The following RS1 variants were observed in gnomAD, a reference collection of about 807,000 sequenced individuals.
The protein encoded by RS1 is retinoschisin.
RS1 carries 2 observed loss-of-function variants against 20.8 expected under a neutral mutation model. That is an observed-to-expected ratio of 0.10 (90% CI 0.04 to 0.30). RS1 has a LOEUF of 0.30. Among genes scored for constraint, RS1 ranks in the 10% least tolerant of loss-of-function variants. The pLI is 1.00. For missense variants in RS1, 151 were observed against 189.8 expected (o/e 0.80, Z 1.20); for synonymous variants, 70 against 75.8 (o/e 0.92, Z 0.40).
chrX:18,657,385 T>A (rs769094779), intron 2 of RS1, among the ~76,000 whole-genome samples: 34 of 108,229 alleles, frequency 3.1e-4, no homozygotes, highest in Middle Eastern at 9.4e-3. Context: ...TATACCTGGC[T>A]AATTTTTGTA....
chrX:18,641,116 G>C lies in RS1; in HGVS notation c.*888C>G, dbSNP rs139226936. On this transcript the variant is annotated 3_prime_UTR_variant, in exon 6 of 6. Coordinates refer to ENST00000379984, the MANE Select transcript of RS1 (RefSeq NM_000330.4). ...CTCTGAGTAGCCAGTGGTAGCTCCT[G>C]GGCCAGCTGTTCTCGAACTATGTTT... 96 of 112,558 alleles carry C rather than the reference G, an allele frequency of 8.5e-4. No individual in the cohort carries two copies. The highest frequency in any genetic ancestry group is 3.1e-3 in the African/African-American group (95 of 31,028). The allele number at this position is 112,558 out of a possible 1,213,427, so 9.3% of individuals were successfully genotyped here. A position where few individuals can be genotyped will look rare whatever the true frequency, so the allele number is the denominator to read the frequency against.
intron 4 of RS1, among the ~76,000 whole-genome samples, chrX:18,645,397 T>C: frequency 9.0e-6 from 1 of 110,800 alleles, no homozygotes; most frequent in Middle Eastern, 4.6e-3. Context: ...CCTCTCAGCA[T>C]CTCAGATGAA....
chrX:18,668,937 C>T (rs2147208272), intron 1 of RS1, among the ~76,000 whole-genome samples: 1 of 111,409 alleles, frequency 9.0e-6, no homozygotes, highest in Non-Finnish European at 1.9e-5. Flanking sequence ...TTAAAACGAT[C>T]GAACAATAGA....
At chrX:18,661,238 A>G (rs1338926284) in intron 1 of RS1, among the ~76,000 whole-genome samples, 1 of 111,658 alleles carries the variant, frequency 9.0e-6, no homozygotes, top group Admixed American at 9.5e-5. Context: ...AAGAGACTCC[A>G]GGGAGCTAGT....
At chrX:18,664,499 A>G (rs186011402) in intron 1 of RS1, among the ~76,000 whole-genome samples, 4 of 110,864 alleles carry the variant, frequency 3.6e-5, no homozygotes, top group Non-Finnish European at 5.7e-5. Context: ...ATGGTGGTGC[A>G]CACCTGTAGT....
chrX:18,648,314 C>T (rs1049402084), intron 3 of RS1, among the ~76,000 whole-genome samples: 19 of 110,614 alleles, frequency 1.7e-4, no homozygotes, highest in African/African-American at 4.0e-4. Context: ...CTATGTCAGC[C>T]CACTGCAACC....
At chrX:18,653,826 G>A (rs1928154224) in intron 3 of RS1, among the ~76,000 whole-genome samples, 1 of 109,914 alleles carries the variant, frequency 9.1e-6, no homozygotes, top group Non-Finnish European at 1.9e-5. Context: ...AAATTAGCTG[G>A]GCGTGGTGGT....
At chrX:18,658,708 T>C (rs1928262096) in intron 1 of RS1, among the ~76,000 whole-genome samples, 1 of 110,589 alleles carries the variant, frequency 9.0e-6, no homozygotes, top group African/African-American at 3.3e-5. Flanking sequence ...ACTCCTGCCT[T>C]GGCCTCCCAA....
chrX:18,663,565 T>C (rs1253993125), intron 1 of RS1, among the ~76,000 whole-genome samples: 8 of 108,608 alleles, frequency 7.4e-5, no homozygotes, highest in African/African-American at 2.4e-4. Flanking sequence ...AGGCTGGTCT[T>C]GAGCTCCTGG....
rs1927688987 is a variant in RS1, at chrX:18,644,347, A to G, written c.522+83T>C. ...TGCTGTGGAGTCGGTGCTCTGACAG[A>G]GGGCAGTGACAGGAGCTCGGGGACA... On this transcript the variant is annotated intron_variant, in intron 5 of 5. Coordinates refer to ENST00000379984, the MANE Select transcript of RS1 (RefSeq NM_000330.4). 3.5e-6 allele frequency: 3 copies of G among 855,557 alleles called. No individual in the cohort carries two copies. In the East Asian group the frequency reaches 9.3e-5, roughly 27 times the overall value. The allele number at this position is 855,557 out of a possible 1,213,427, so 70.5% of individuals were successfully genotyped here. A position where few individuals can be genotyped will look rare whatever the true frequency, so the allele number is the denominator to read the frequency against.
chrX:18,646,048 C>T, intron 4 of RS1: 1 of 1,212,045 alleles, frequency 8.3e-7, no homozygotes. Flanking sequence ...CCATTCTGGA[C>T]CCCAAGATAG....
intron 1 of RS1, among the ~76,000 whole-genome samples, chrX:18,658,742 C>T (rs190533240): frequency 1.8e-5 from 2 of 109,956 alleles, no homozygotes; most frequent in African/African-American, 6.6e-5. Context: ...CAGGCATGAG[C>T]CACCATGCCC....
chrX:18,644,205 A>AT (rs374521774), intron 5 of RS1, among the ~76,000 whole-genome samples: 24 of 109,966 alleles, frequency 2.2e-4, no homozygotes, highest in Admixed American at 1.3e-3. Context: ...ACTCAGACAA[A>AT]TTTTTTTTTT....
intron 3 of RS1, chrX:18,653,734 C>T (rs370534077): frequency 1.9e-5 from 10 of 527,908 alleles, no homozygotes; most frequent in African/African-American, 4.7e-5. Context: ...TTTGGGAGGC[C>T]GAGCAGGTGC....
chrX:18,650,633 G>C, intron 3 of RS1: 1 of 1,185,140 alleles, frequency 8.4e-7, no homozygotes, highest in Non-Finnish European at 1.1e-6. Context: ...AGCCTGGGCT[G>C]TACCTCGGAA....
intron 3 of RS1, 36 bp from the exon 4 acceptor site, chrX:18,647,368 C>A: frequency 8.4e-7 from 1 of 1,192,463 alleles, no homozygotes; most frequent in Non-Finnish European, 1.1e-6. Flanking sequence ...TCACACATAT[C>A]TCAATACTCA....
At chrX:18,670,168 A>G (rs1356998716) in intron 1 of RS1, among the ~76,000 whole-genome samples, 1 of 107,702 alleles carries the variant, frequency 9.3e-6, no homozygotes, top group Non-Finnish European at 1.9e-5. Flanking sequence ...GTCACAGAAC[A>G]GGGTTGTTAG....
intron 3 of RS1, among the ~76,000 whole-genome samples, chrX:18,655,118 C>A (rs1667264848): frequency 8.9e-6 from 1 of 111,953 alleles, no homozygotes; most frequent in East Asian, 2.8e-4. Flanking sequence ...CTCCCTCCCT[C>A]CTCAGTGTGT....
At chrX:18,668,605 A>C (rs1928440792) in intron 1 of RS1, among the ~76,000 whole-genome samples, 1 of 113,449 alleles carries the variant, frequency 8.8e-6, no homozygotes, top group Admixed American at 9.3e-5. Context: ...AAGAGAAAGA[A>C]GGAAATTGCT....
Sources: gnomAD v4.1 joint callset for allele counts (sites outside exome capture counted in the v4.1 genomes callset) on GRCh38, gnomAD v4.1.1 for gene constraint, MANE v1.5 for transcripts, NCBI Gene and HGNC (gene_info 2026-07-23, HGNC 2026-07-21) for gene names.